Variants in LUZP2 observed in about 807,000 individuals in gnomAD.
LUZP2 encodes the protein leucine zipper protein 2.
A neutral mutation model predicts 51.6 loss-of-function variants in LUZP2; 52 were observed. The observed-to-expected ratio is 1.01, with a 90% CI of 0.81 to 1.27. The LOEUF is 1.27. Ranked by LOEUF, LUZP2 falls within the 50% of genes most tolerant of loss-of-function variation. LUZP2 has a pLI of 0.00. For synonymous variants in LUZP2, 154 were observed against 137.3 expected (o/e 1.12, Z -0.85); for missense variants, 436 against 395.4 (o/e 1.10, Z -0.87).
rs2403994 is a variant in LUZP2 at position 24,786,317 on chromosome 11, C to T, written c.396+23009C>T. The T allele has an allele frequency of 9.6e-3, 9,427 of 980,440 alleles. 631 individuals carry two copies. In the African/African-American group the frequency reaches 0.14, roughly 15 times the overall value. 60.7% of individuals were successfully genotyped at this position (980,440 alleles called of 1,614,324 possible). A position where few individuals can be genotyped will look rare whatever the true frequency, so the allele number is the denominator to read the frequency against. On this transcript the variant is annotated intron_variant, in intron 5 of 11. Coordinates refer to ENST00000336930, the MANE Select transcript of LUZP2 (RefSeq NM_001009909.4). Reference sequence around the variant, plus strand: ...AATAGTATGTTTTATTATTTTACCACGGGAAAAAAGTAGTCAGAATTCATG... The same window carrying T: ...AATAGTATGTTTTATTATTTTACCATGGGAAAAAAGTAGTCAGAATTCATG...
intron 9 of LUZP2, among the ~76,000 whole-genome samples, chr11:25,036,819 T>G (rs1227064500): frequency 2.0e-5 from 3 of 151,956 alleles, no homozygotes; most frequent in African/African-American, 7.3e-5. Flanking sequence ...GGTCCAGGAG[T>G]GTGCTTGGTA....
intron 4 of LUZP2, among the ~76,000 whole-genome samples, chr11:24,760,951 C>T (rs1859956859): frequency 1.3e-5 from 2 of 152,298 alleles, no homozygotes; most frequent in South Asian, 4.1e-4. Flanking sequence ...ACATCCTTAA[C>T]CTATCTCAGC....
chr11:24,854,098 C>T (rs1384429291), intron 5 of LUZP2, among the ~76,000 whole-genome samples: 3 of 152,222 alleles, frequency 2.0e-5, no homozygotes, highest in Non-Finnish European at 2.9e-5. Context: ...TCATGGGTGT[C>T]AGGGACCCAT....
intron 1 of LUZP2, among the ~76,000 whole-genome samples, chr11:24,670,351 A>C (rs1192146042): frequency 2.0e-5 from 3 of 152,066 alleles, no homozygotes; most frequent in Non-Finnish European, 4.4e-5. Context: ...CAGCCACTAC[A>C]AGTTAACCCT....
chr11:24,814,609 G>A (rs925588190), intron 5 of LUZP2, among the ~76,000 whole-genome samples: 1 of 152,134 alleles, frequency 6.6e-6, no homozygotes, highest in Non-Finnish European at 1.5e-5. Flanking sequence ...CACAGCTAAA[G>A]TTCCAGATGA....
chr11:25,020,764 A>C (rs1016654220), intron 9 of LUZP2, among the ~76,000 whole-genome samples: 1 of 148,282 alleles, frequency 6.7e-6, no homozygotes, highest in African/African-American at 2.5e-5. Context: ...CCCTCTAATA[A>C]ATAATTTTAC....
chr11:24,921,359 G>A (rs1224119877), intron 7 of LUZP2, among the ~76,000 whole-genome samples: 1 of 152,070 alleles, frequency 6.6e-6, no homozygotes, highest in African/African-American at 2.4e-5. Context: ...CCAGAAACCT[G>A]GCCCTCCCAC....
In LUZP2 at chr11:24,883,330, A is replaced by G. The variant is rs187978453; in HGVS notation, c.397-22661A>G. On this transcript the variant is annotated intron_variant, in intron 5 of 11. Transcript: ENST00000336930. ...GTCAGATTTATGATAACAGTAAAAC[A>G]AAATGTTTATTCTATCAATGCCCCA... Among the ~76,000 whole-genome samples the G allele has an allele frequency of 4.3e-3, 579 of 135,328 alleles. 85 individuals carry two copies. The highest frequency in any genetic ancestry group is 0.021 in the African/African-American group (542 of 26,232). 88.8% of individuals were successfully genotyped at this position (135,328 alleles called of 152,430 possible). A position where few individuals can be genotyped will look rare whatever the true frequency, so the allele number is the denominator to read the frequency against.
chr11:24,908,488 ATCT>A (rs1440541579), intron 6 of LUZP2, among the ~76,000 whole-genome samples: 2 of 152,144 alleles, frequency 1.3e-5, no homozygotes, highest in African/African-American at 2.4e-5. Context: ...TTGCCGTGAA[ATCT>A]TCTTATGAAA....
At chr11:24,592,163 AC>A (rs1182560217) in intron 1 of LUZP2, among the ~76,000 whole-genome samples, 4 of 152,194 alleles carry the variant, frequency 2.6e-5, no homozygotes, top group Non-Finnish European at 5.9e-5. Flanking sequence ...GCAAACACTA[AC>A]TACCTTAACT....
chr11:24,948,271 T>G (rs1854954390), intron 7 of LUZP2, among the ~76,000 whole-genome samples: 1 of 151,774 alleles, frequency 6.6e-6, no homozygotes, highest in Non-Finnish European at 1.5e-5. Context: ...ATTGTCCTTT[T>G]CAGTAATGAC....
chr11:24,607,266 C>G (rs939855458), intron 1 of LUZP2, among the ~76,000 whole-genome samples: 3 of 147,778 alleles, frequency 2.0e-5, no homozygotes, highest in African/African-American at 7.5e-5. Flanking sequence ...TATTTTATAG[C>G]TCCATGTCTT....
At position 24,729,237 on chromosome 11, in the gene LUZP2, A is replaced by C; in HGVS notation, c.131A>C (p.Gln44Pro). Residue 44 changes from glutamine to proline, a missense_variant, in exon 2 of 12, where the codon CAG becomes CCG. Physicochemically the swap from Gln to Pro is moderately conservative, Grantham distance 76. Coordinates refer to ENST00000336930, the MANE Select transcript of LUZP2 (RefSeq NM_001009909.4). ...AAGGAGCGAAGCACCATTCTTCGTCAGCTGACAAAGACATCAAGAGAACTT... is the reference window on the plus strand; with the variant it reads ...AAGGAGCGAAGCACCATTCTTCGTCCGCTGACAAAGACATCAAGAGAACTT... Reference protein sequence around the residue: ...VFKERSTILRQLTKTSRELDG... With the variant: ...VFKERSTILRPLTKTSRELDG... 6.3e-7 allele frequency: 1 copy of C among 1,577,160 alleles called. No individual in the cohort carries two copies. Among genetic ancestry groups the C allele is most frequent in the Non-Finnish European group, 8.7e-7 (1 of 1,155,400 alleles).
At chr11:24,667,875 G>A (rs1339853884) in intron 1 of LUZP2, among the ~76,000 whole-genome samples, 1 of 152,142 alleles carries the variant, frequency 6.6e-6, no homozygotes, top group Non-Finnish European at 1.5e-5. Flanking sequence ...ACTCCTTTCA[G>A]AGAAATAAAT....
At chr11:24,799,676 A>G (rs1849641654) in intron 5 of LUZP2, among the ~76,000 whole-genome samples, 1 of 152,164 alleles carries the variant, frequency 6.6e-6, no homozygotes, top group Non-Finnish European at 1.5e-5. Flanking sequence ...TCATAACTCT[A>G]GTAAACTCAC....
chr11:24,954,845 G>A (rs1005195121), intron 7 of LUZP2, among the ~76,000 whole-genome samples: 13 of 152,040 alleles, frequency 8.6e-5, no homozygotes, highest in African/African-American at 3.1e-4. Context: ...ACGCTAAAAT[G>A]ATATTCGTAG....
At chr11:25,024,333 A>G (rs948756335) in intron 9 of LUZP2, among the ~76,000 whole-genome samples, 5 of 151,820 alleles carry the variant, frequency 3.3e-5, no homozygotes, top group Non-Finnish European at 2.9e-5. Context: ...AGTGTATTCA[A>G]TTAGGAAATG....
chr11:24,550,042 A>T (rs1390938309), intron 1 of LUZP2, among the ~76,000 whole-genome samples: 4 of 152,062 alleles, frequency 2.6e-5, no homozygotes, highest in Admixed American at 2.6e-4. Flanking sequence ...GTCCTGAGTG[A>T]CTATTCTTAG....
At chr11:24,713,723 C>G (rs190741375) in intron 1 of LUZP2, among the ~76,000 whole-genome samples, 3 of 129,860 alleles carry the variant, frequency 2.3e-5, no homozygotes, top group Non-Finnish European at 3.1e-5. Context: ...GAGTCTTGCT[C>G]TATCACCCAG....
Sources: gnomAD v4.1 joint callset for allele counts (sites outside exome capture counted in the v4.1 genomes callset) on GRCh38, gnomAD v4.1.1 for gene constraint, MANE v1.5 for transcripts, NCBI Gene and HGNC (gene_info 2026-07-23, HGNC 2026-07-21) for gene names.